LHFPL2: variants seen among roughly 807,000 people sequenced by gnomAD.
The protein encoded by LHFPL2 is LHFPL tetraspan subfamily member 2.
LHFPL2 carries 7 observed loss-of-function variants against 17.5 expected under a neutral mutation model. The observed-to-expected ratio is 0.40, with a 90% CI of 0.23 to 0.75. The LOEUF is 0.75. LHFPL2 is among the 30% of genes least tolerant of loss of function. LHFPL2 has a pLI of 0.37. For synonymous variants in LHFPL2, 134 were observed against 116.2 expected (o/e 1.15, Z -0.99); for missense variants, 241 against 294.8 (o/e 0.82, Z 1.34).
intron 1 of LHFPL2, among the ~76,000 whole-genome samples, chr5:78,635,559 T>C (rs1237821977): frequency 3.9e-5 from 6 of 152,238 alleles, no homozygotes; most frequent in African/African-American, 1.4e-4. Context: ...TTCCAGCACT[T>C]TGGGAGGCCC....
At chr5:78,590,927 T>C (rs1336892227) in intron 2 of LHFPL2, among the ~76,000 whole-genome samples, 1 of 152,220 alleles carries the variant, frequency 6.6e-6, no homozygotes, top group African/African-American at 2.4e-5. Context: ...TCTTTGACCC[T>C]TTATACCTGG....
intron 4 of LHFPL2, among the ~76,000 whole-genome samples, chr5:78,495,149 T>A (rs928243682): frequency 6.6e-6 from 1 of 152,206 alleles, no homozygotes; most frequent in Non-Finnish European, 1.5e-5. Context: ...AGTATTTCAC[T>A]GGGTCTGAAG....
Position 78,596,344 on chromosome 5 carries a change from G to A in LHFPL2, c.-244-31473C>T, listed in dbSNP as rs183700184. Among the ~76,000 whole-genome samples the A allele has an allele frequency of 1.5e-3, 228 of 152,330 alleles. 3 individuals are homozygous for A. Among genetic ancestry groups the A allele is most frequent in the Non-Finnish European group, 2.6e-4 (18 of 68,034 alleles). ...CACATCATCCTACAGAAGGTAAGCA[G>A]CTGCCTAGAGGACGACCTTTCTGAT... On this transcript the variant is annotated intron_variant, in intron 2 of 4. Transcript: ENST00000380345.
chr5:78,635,566 G>A (rs567625135), intron 1 of LHFPL2, among the ~76,000 whole-genome samples: 1 of 152,326 alleles, frequency 6.6e-6, no homozygotes, highest in South Asian at 2.1e-4. Flanking sequence ...ACTTTGGGAG[G>A]CCCAGGCGGG....
At chr5:78,638,030 A>G (rs1015502770) in intron 1 of LHFPL2, among the ~76,000 whole-genome samples, 3 of 152,206 alleles carry the variant, frequency 2.0e-5, no homozygotes, top group African/African-American at 4.8e-5. Context: ...AATAGCTGAC[A>G]ACCCAAAGCC....
intron 3 of LHFPL2, among the ~76,000 whole-genome samples, chr5:78,540,985 T>C (rs1361340807): frequency 6.6e-6 from 1 of 152,106 alleles, no homozygotes; most frequent in Non-Finnish European, 1.5e-5. Flanking sequence ...CCAAAAGGAA[T>C]TATGGAAGCG....
At chr5:78,632,066 T>A (rs1021915258) in intron 2 of LHFPL2, among the ~76,000 whole-genome samples, 198 bp downstream of exon 2, 2 of 151,828 alleles carry the variant, frequency 1.3e-5, no homozygotes, top group Non-Finnish European at 2.9e-5. Context: ...GGCTGAGTAA[T>A]GAGAAAGCCA....
intron 1 of LHFPL2, among the ~76,000 whole-genome samples, chr5:78,645,543 TACACACACACACACACACACAC>T (rs56911011): frequency 1.1e-4 from 15 of 137,330 alleles, no homozygotes; most frequent in South Asian, 4.9e-4. Flanking sequence ...GACAGATGCA[TACACACACACACACACACACAC>T]ACACACACAC....
intron 2 of LHFPL2, among the ~76,000 whole-genome samples, chr5:78,578,212 T>C (rs889531860): frequency 6.6e-6 from 1 of 152,230 alleles, no homozygotes; most frequent in Non-Finnish European, 1.5e-5. Flanking sequence ...AGGATCAATG[T>C]AAAGATAGGA....
In LHFPL2 at chr5:78,594,042, C is replaced by G. The variant is rs142054022; in HGVS notation, c.-244-29171G>C. Among the ~76,000 whole-genome samples, 327 of 152,312 alleles carry G rather than the reference C, an allele frequency of 2.1e-3. 2 individuals carry two copies. The highest frequency in any genetic ancestry group is 7.4e-3 in the African/African-American group (306 of 41,566). Reference sequence around the variant, plus strand: ...GGAACTCATTTAAGCCTCACCAGCCCAGGTACTATTTTATGCACTGACAGA... The same window carrying G: ...GGAACTCATTTAAGCCTCACCAGCCGAGGTACTATTTTATGCACTGACAGA... On this transcript the variant is annotated intron_variant, in intron 2 of 4. Coordinates refer to ENST00000380345, the MANE Select transcript of LHFPL2 (RefSeq NM_005779.3).
At chr5:78,549,381 G>C (rs1756375997) in intron 3 of LHFPL2, among the ~76,000 whole-genome samples, 1 of 152,210 alleles carries the variant, frequency 6.6e-6, no homozygotes, top group Admixed American at 6.5e-5. Flanking sequence ...AGACCCAAGG[G>C]GCAGGGAAAT....
intron 4 of LHFPL2, chr5:78,494,470 C>G: frequency 2.0e-6 from 2 of 985,282 alleles, no homozygotes; most frequent in African/African-American, 1.7e-5. Flanking sequence ...CTCATTGTAC[C>G]AAGGAGGTTA....
rs1754255817 is a variant in LHFPL2, at chr5:78,486,722, C to G, written c.*2175G>C. The G allele has an allele frequency of 6.6e-6, 1 of 152,102 alleles. No homozygotes were observed. Among genetic ancestry groups the G allele is most frequent in the African/African-American group, 2.4e-5 (1 of 41,392 alleles). The allele number at this position is 152,102 out of a possible 1,614,324, so 9.4% of individuals were successfully genotyped here. A position where few individuals can be genotyped will look rare whatever the true frequency, so the allele number is the denominator to read the frequency against. ...TTATTATGGCCAAGAAGTCACACTC[C>G]CTTGTGACTGTTCCCAGGTTGATCT... On this transcript the variant is annotated 3_prime_UTR_variant, in exon 5 of 5. Coordinates refer to ENST00000380345, the MANE Select transcript of LHFPL2 (RefSeq NM_005779.3).
chr5:78,558,556 G>T (rs1388515240), intron 3 of LHFPL2, among the ~76,000 whole-genome samples: 1 of 151,966 alleles, frequency 6.6e-6, no homozygotes, highest in Admixed American at 6.6e-5. Flanking sequence ...GGCCCAGGCT[G>T]GTCTCAAACT....
intron 2 of LHFPL2, among the ~76,000 whole-genome samples, chr5:78,596,711 G>A (rs2112467483): frequency 6.6e-6 from 1 of 152,262 alleles, no homozygotes; most frequent in African/African-American, 2.4e-5. Context: ...AACCCAGCTA[G>A]GAACCCAGAA....
chr5:78,559,639 G>A (rs1389123340), intron 3 of LHFPL2, among the ~76,000 whole-genome samples: 8 of 152,050 alleles, frequency 5.3e-5, no homozygotes, highest in African/African-American at 1.4e-4. Context: ...TATCACTGTC[G>A]ATTTCTACTT....
chr5:78,597,994 A>T (rs1258716829), intron 2 of LHFPL2, among the ~76,000 whole-genome samples: 1 of 152,216 alleles, frequency 6.6e-6, no homozygotes, highest in Non-Finnish European at 1.5e-5. Flanking sequence ...CACAAACTAA[A>T]TAACAATGGA....
intron 2 of LHFPL2, among the ~76,000 whole-genome samples, chr5:78,622,095 G>A (rs1027424097): frequency 3.3e-5 from 5 of 152,040 alleles, no homozygotes; most frequent in African/African-American, 7.2e-5. Context: ...AGGAAGCCCC[G>A]GTAAATGCCA....
chr5:78,570,440 T>G (rs1278970665), intron 2 of LHFPL2, among the ~76,000 whole-genome samples: 1 of 151,940 alleles, frequency 6.6e-6, no homozygotes, highest in East Asian at 1.9e-4. Flanking sequence ...CCAGTGGGTG[T>G]GTTTCCAAAA....
Sources: allele counts gnomAD v4.1 joint callset (sites outside exome capture counted in the v4.1 genomes callset), GRCh38; gene constraint gnomAD v4.1.1; transcripts MANE v1.5; gene names NCBI Gene and HGNC (gene_info 2026-07-23, HGNC 2026-07-21).